VTI1A: variants seen among roughly 807,000 people sequenced by gnomAD.
VTI1A encodes the protein vesicle transport through interaction with t-SNAREs homolog 1A.
In VTI1A, 22 loss-of-function variants were observed where a neutral mutation model predicts 34.9. That is an observed-to-expected ratio of 0.63 (90% CI 0.45 to 0.90). The LOEUF (loss-of-function observed/expected upper bound fraction) is 0.90. Ranked by LOEUF, VTI1A falls within the 40% of genes least tolerant of loss-of-function variation. VTI1A has a pLI of 0.00. For synonymous variants in VTI1A, 87 were observed against 97.3 expected, an observed-to-expected ratio of 0.89 and a Z score of 0.62; for missense variants, 268 against 275.6, an observed-to-expected ratio of 0.97 and a Z score of 0.20.
At chr10:112,742,759 TC>T (rs1454395413) in intron 7 of VTI1A, among the ~76,000 whole-genome samples, 3 of 152,218 alleles carry the variant, frequency 2.0e-5, no homozygotes, top group African/African-American at 7.2e-5. Flanking sequence ...CATTTATACT[TC>T]AGAGAATATG....
chr10:112,636,117 C>T (rs1846343476), intron 5 of VTI1A, among the ~76,000 whole-genome samples: 1 of 152,148 alleles, frequency 6.6e-6, no homozygotes, highest in Non-Finnish European at 1.5e-5. Flanking sequence ...GGGTTGGGCT[C>T]TGAATGCTTT....
chr10:112,464,277 C>T (rs1303000439), intron 2 of VTI1A, among the ~76,000 whole-genome samples: 4 of 152,194 alleles, frequency 2.6e-5, no homozygotes, highest in East Asian at 3.8e-4. Flanking sequence ...GGATGATGGG[C>T]GTGAGCCACG....
chr10:112,722,100 A>T (rs748251961), intron 7 of VTI1A, among the ~76,000 whole-genome samples: 2 of 152,218 alleles, frequency 1.3e-5, no homozygotes, highest in African/African-American at 2.4e-5. Flanking sequence ...TTATCCTGCA[A>T]TGTTAAGGGT....
intron 7 of VTI1A, among the ~76,000 whole-genome samples, chr10:112,786,218 T>G (rs1852283051): frequency 6.6e-6 from 1 of 152,234 alleles, no homozygotes; most frequent in Non-Finnish European, 1.5e-5. Flanking sequence ...TATTGTGAAT[T>G]ACATTGTTTT....
At chr10:112,837,445 C>T in the VTI1A span, among the ~76,000 whole-genome samples, 1 of 152,330 alleles carries the variant, frequency 6.6e-6, no homozygotes, top group South Asian at 2.1e-4. Context: ...CCTCAGCCTG[C>T]TTGATTTCCA....
intron 7 of VTI1A, among the ~76,000 whole-genome samples, chr10:112,766,399 T>C (rs959880290): frequency 6.6e-6 from 1 of 152,228 alleles, no homozygotes; most frequent in African/African-American, 2.4e-5. Flanking sequence ...TTAAGAGCTG[T>C]GTATAAACTT....
At chr10:112,479,815 A>G (rs1848404765) in intron 3 of VTI1A, among the ~76,000 whole-genome samples, 1 of 152,184 alleles carries the variant, frequency 6.6e-6, no homozygotes, top group South Asian at 2.1e-4. Flanking sequence ...AAGAGGGTGC[A>G]TTTTAAACCT....
At chr10:112,601,961 T>G (rs1371189167) in intron 5 of VTI1A, among the ~76,000 whole-genome samples, 1 of 152,172 alleles carries the variant, frequency 6.6e-6, no homozygotes, top group Non-Finnish European at 1.5e-5. Context: ...CCATAAATTC[T>G]GAAGAAAACA....
chr10:112,817,132 C>G lies in VTI1A; in HGVS notation c.*1749C>G, dbSNP rs77143010. ...ACCACATCTAAGAACCATTAAAAAG[C>G]AAGGAAACAAACAAACAACCCTTTT... On this transcript the variant is annotated 3_prime_UTR_variant, in exon 8 of 8. Transcript: ENST00000393077. 1,639 of 232,672 alleles carry G rather than the reference C, an allele frequency of 7.0e-3. 5 individuals carry two copies. Among genetic ancestry groups the G allele is most frequent in the Non-Finnish European group, 0.011 (1,269 of 117,662 alleles). 14.4% of individuals were successfully genotyped at this position (232,672 alleles called of 1,614,324 possible).
intron 1 of VTI1A, among the ~76,000 whole-genome samples, chr10:112,451,268 TA>T (rs1847229068): frequency 6.6e-6 from 1 of 152,110 alleles, no homozygotes. Flanking sequence ...CCTTATAATG[TA>T]AAAATCAGTG....
chr10:112,513,868 A>G (rs1849692232), intron 3 of VTI1A, among the ~76,000 whole-genome samples: 1 of 151,980 alleles, frequency 6.6e-6, no homozygotes, highest in African/African-American at 2.4e-5. Flanking sequence ...CCATCCTTGT[A>G]TCTCTGGAAT....
intron 7 of VTI1A, among the ~76,000 whole-genome samples, chr10:112,689,925 CTT>C (rs1848557047): frequency 6.6e-6 from 1 of 152,146 alleles, no homozygotes; most frequent in Non-Finnish European, 1.5e-5. Flanking sequence ...ATTCAAATCT[CTT>C]TCCCCACCCT....
At chr10:112,518,547 TTC>T (rs57853028) in intron 3 of VTI1A, among the ~76,000 whole-genome samples, 1,619 of 101,368 alleles carry the variant, frequency 0.016, 24 homozygotes, top group Admixed American at 0.051. Context: ...TCATATCTCT[TTC>T]TCTCTCTCTC....
At chr10:112,776,334 C>T (rs1018213982) in intron 7 of VTI1A, among the ~76,000 whole-genome samples, 6 of 152,170 alleles carry the variant, frequency 3.9e-5, no homozygotes, top group East Asian at 1.9e-4. Context: ...TTCATTACAG[C>T]TTAAAGGTTT....
chr10:112,518,587 CTCTATATATATA>C (rs1423014938), intron 3 of VTI1A, among the ~76,000 whole-genome samples: 1 of 93,680 alleles, frequency 1.1e-5, no homozygotes, highest in Non-Finnish European at 2.1e-5. Flanking sequence ...CTCTCTCTCT[CTCTATATATATA>C]TATATATATA....
chr10:112,694,797 C>T (rs56138001), intron 7 of VTI1A, among the ~76,000 whole-genome samples: 1,858 of 152,000 alleles, frequency 0.012, 33 homozygotes, highest in African/African-American at 0.041. Context: ...AGTGAAACCC[C>T]GTCTCTACTA....
At chr10:112,481,571 G>C (rs1326847566) in intron 3 of VTI1A, among the ~76,000 whole-genome samples, 1 of 152,208 alleles carries the variant, frequency 6.6e-6, no homozygotes, top group Non-Finnish European at 1.5e-5. Context: ...TCTGCATTTA[G>C]TAGGAGACAC....
chr10:112,738,716 A>C (rs1357404814), intron 7 of VTI1A, among the ~76,000 whole-genome samples: 1 of 152,200 alleles, frequency 6.6e-6, no homozygotes, highest in Non-Finnish European at 1.5e-5. Flanking sequence ...TTGAGTTTAC[A>C]GTACGACAGA....
At chr10:112,484,722 C>T (rs186768951) in intron 3 of VTI1A, among the ~76,000 whole-genome samples, 3 of 151,964 alleles carry the variant, frequency 2.0e-5, no homozygotes, top group Admixed American at 1.3e-4. Flanking sequence ...AGTAGCTGTT[C>T]AATAAGTGCC....
Sources: allele counts gnomAD v4.1 joint callset (sites outside exome capture counted in the v4.1 genomes callset), GRCh38; gene constraint gnomAD v4.1.1; transcripts MANE v1.5; gene names NCBI Gene and HGNC (gene_info 2026-07-23, HGNC 2026-07-21).